FTO: variants seen among roughly 807,000 people sequenced by gnomAD.
FTO encodes the protein alpha-ketoglutarate-dependent dioxygenase FTO.
A neutral mutation model predicts 63.9 loss-of-function variants in FTO; 47 were observed. That is an observed-to-expected ratio of 0.74 (90% confidence interval 0.58 to 0.94). The LOEUF is 0.94. Ranked by LOEUF, FTO falls within the 40% of genes least tolerant of loss-of-function variation. The pLI, the probability that FTO is intolerant of heterozygous loss-of-function variation, is 0.00. For synonymous variants in FTO, 207 were observed against 224.4 expected (o/e 0.92, Z 0.69); for missense variants, 562 against 618.1 (o/e 0.91, Z 0.96).
chr16:53,918,040 T>C (rs760732806), intron 7 of FTO, among the ~76,000 whole-genome samples: 10 of 152,198 alleles, frequency 6.6e-5, no homozygotes, highest in Non-Finnish European at 1.3e-4. Context: ...ATTCTTATCT[T>C]AATAATAATA....
intron 7 of FTO, among the ~76,000 whole-genome samples, chr16:53,928,121 G>A (rs1269099040): frequency 1.3e-5 from 2 of 152,146 alleles, no homozygotes; most frequent in Non-Finnish European, 2.9e-5. Context: ...GGTGACAGCG[G>A]GGATTTGAGC....
At chr16:53,744,833 C>CA (rs1459227671) in intron 1 of FTO, among the ~76,000 whole-genome samples, 1,748 of 74,792 alleles carry the variant, frequency 0.023, 32 homozygotes, top group African/African-American at 0.12. Context: ...CTTCCCCCCC[C>CA]CCATATATGA....
intron 8 of FTO, among the ~76,000 whole-genome samples, chr16:54,032,417 T>C (rs1480118625): frequency 1.3e-5 from 2 of 152,152 alleles, no homozygotes; most frequent in Non-Finnish European, 2.9e-5. Context: ...GATACAGCCA[T>C]GTAAATTAGC....
intron 8 of FTO, among the ~76,000 whole-genome samples, chr16:54,006,201 T>C (rs1294465289): frequency 1.3e-5 from 2 of 152,190 alleles, no homozygotes; most frequent in East Asian, 1.9e-4. Context: ...TATTTCAGAC[T>C]AATGCAGTTT....
chr16:53,708,682 T>C (rs1381966531), intron 1 of FTO, among the ~76,000 whole-genome samples: 1 of 152,220 alleles, frequency 6.6e-6, no homozygotes, highest in Non-Finnish European at 1.5e-5. Flanking sequence ...TTGTCAACAC[T>C]TGTTGTTGTC....
At chr16:53,928,986 G>A (rs2082216904) in intron 7 of FTO, among the ~76,000 whole-genome samples, 1 of 152,080 alleles carries the variant, frequency 6.6e-6, no homozygotes, top group African/African-American at 2.4e-5. Context: ...TGGGATTACA[G>A]AAGTATGCCA....
intron 1 of FTO, among the ~76,000 whole-genome samples, chr16:53,719,664 A>T (rs2075991335): frequency 1.5e-5 from 2 of 135,998 alleles, no homozygotes; most frequent in African/African-American, 2.8e-5. Context: ...CAAGCTCTTG[A>T]ATTTGTTTAT....
At chr16:54,099,116 G>A (rs2086579569) in intron 8 of FTO, among the ~76,000 whole-genome samples, 1 of 152,152 alleles carries the variant, frequency 6.6e-6, no homozygotes, top group African/African-American at 2.4e-5. Context: ...ACCGTATTCT[G>A]TGGCTGAAAG....
intron 8 of FTO, among the ~76,000 whole-genome samples, chr16:54,085,457 A>G (rs2086237529): frequency 6.6e-6 from 1 of 152,070 alleles, no homozygotes; most frequent in Non-Finnish European, 1.5e-5. Context: ...AGTACATTCC[A>G]TTATCTAGAT....
intron 8 of FTO, among the ~76,000 whole-genome samples, chr16:54,085,963 A>G (rs1171697176): frequency 6.6e-6 from 1 of 152,132 alleles, no homozygotes; most frequent in African/African-American, 2.4e-5. Flanking sequence ...CCAGCTTACT[A>G]TGCTTGACTT....
At chr16:53,921,221 G>A (rs780637477) in intron 7 of FTO, among the ~76,000 whole-genome samples, 29 of 152,098 alleles carry the variant, frequency 1.9e-4, no homozygotes, top group African/African-American at 6.3e-4. Context: ...TCTTTTTCCC[G>A]TCCCCTTTCA....
At chr16:53,720,920 G>A (rs1179730586) in intron 1 of FTO, among the ~76,000 whole-genome samples, 1 of 151,884 alleles carries the variant, frequency 6.6e-6, no homozygotes, top group Non-Finnish European at 1.5e-5. Context: ...CTCCTCAGTA[G>A]CTGAGACTAC....
intron 4 of FTO, among the ~76,000 whole-genome samples, chr16:53,844,706 T>C (rs57103409): frequency 0.37 from 56,239 of 152,008 alleles, 10,546 homozygotes; most frequent in South Asian, 0.45. Flanking sequence ...GTGATCCACC[T>C]GCCTCGGTCC....
Position 54,121,790 on chromosome 16 carries a change from T to C in FTO, c.*9875T>C, listed in dbSNP as rs1206126833. On this transcript the variant is annotated 3_prime_UTR_variant, in exon 9 of 9. Coordinates refer to ENST00000471389, the MANE Select transcript of FTO (RefSeq NM_001080432.3). ...AAGGCACAGGGCTGACTAAAGGGTG[T>C]CCTATTTATAAGTCAGTAAAACACA... 4 of 152,118 alleles carry C rather than the reference T, an allele frequency of 2.6e-5. No homozygotes were observed. The highest frequency in any genetic ancestry group is 9.7e-5 in the African/African-American group (4 of 41,404). 9.4% of individuals were successfully genotyped at this position (152,118 alleles called of 1,614,324 possible). A position where few individuals can be genotyped will look rare whatever the true frequency, so the allele number is the denominator to read the frequency against.
At chr16:54,022,022 C>A (rs2084613456) in intron 8 of FTO, among the ~76,000 whole-genome samples, 1 of 152,044 alleles carries the variant, frequency 6.6e-6, no homozygotes, top group Admixed American at 6.6e-5. Context: ...AATTTTACAG[C>A]AGATGTTTTC....
chr16:54,106,580 T>A (rs1450397110), intron 8 of FTO, among the ~76,000 whole-genome samples: 1 of 141,352 alleles, frequency 7.1e-6, no homozygotes, highest in Non-Finnish European at 1.5e-5. Flanking sequence ...ATATTTATTA[T>A]ATAATTATAA....
intron 1 of FTO, among the ~76,000 whole-genome samples, chr16:53,704,730 T>C (rs1971906842): frequency 6.6e-6 from 1 of 152,238 alleles, no homozygotes; most frequent in African/African-American, 2.4e-5. Context: ...ACCTTTGATG[T>C]TCAGCTTCTG....
chr16:54,099,855 T>C (rs1042469815), intron 8 of FTO, among the ~76,000 whole-genome samples: 3 of 152,140 alleles, frequency 2.0e-5, no homozygotes, highest in Non-Finnish European at 4.4e-5. Context: ...GGAGCCAAGT[T>C]GCCGCTCTAC....
At chr16:54,033,154 C>G (rs1402249541) in intron 8 of FTO, among the ~76,000 whole-genome samples, 1 of 152,178 alleles carries the variant, frequency 6.6e-6, no homozygotes, top group Admixed American at 6.5e-5. Flanking sequence ...AAAAGGTTTT[C>G]TTATCATCTT....
Sources: allele counts gnomAD v4.1 joint callset (sites outside exome capture counted in the v4.1 genomes callset), GRCh38; gene constraint gnomAD v4.1.1; transcripts MANE v1.5; gene names NCBI Gene and HGNC (gene_info 2026-07-23, HGNC 2026-07-21).